Variants in STXBP5 observed in about 807,000 individuals in gnomAD.
The protein encoded by STXBP5 is syntaxin-binding protein 5.
Under a neutral mutation model 152.4 loss-of-function variants are expected in STXBP5, and 50 were observed. The observed-to-expected ratio is 0.33, with a 90% confidence interval of 0.26 to 0.42. STXBP5 has a LOEUF of 0.42. Among genes scored for constraint, STXBP5 ranks in the 10% least tolerant of loss-of-function variants. The pLI, the probability that STXBP5 is intolerant of heterozygous loss-of-function variation, is 1.00. For synonymous variants in STXBP5, 492 were observed against 494.7 expected, an observed-to-expected ratio of 0.99 and a Z score of 0.07; for missense variants, 1,167 against 1,388.6, an observed-to-expected ratio of 0.84 and a Z score of 2.54.
chr6:147,314,705 T>C, intron 14 of STXBP5, 69 bp downstream of exon 14: 1 of 1,165,984 alleles, frequency 8.6e-7, no homozygotes. Context: ...TCCTGTTTTA[T>C]AATAATTGCA....
chr6:147,371,979 G>A (rs73588339), intron 25 of STXBP5, among the ~76,000 whole-genome samples: 2,524 of 152,110 alleles, frequency 0.017, 50 homozygotes, highest in African/African-American at 0.054. Context: ...TTTAAAATAT[G>A]CCTAAAATTG....
chr6:147,372,406 C>CTTTTTTTTTTTTTTTTT (rs1583009383), intron 25 of STXBP5, among the ~76,000 whole-genome samples: 469 of 39,108 alleles, frequency 0.012, 230 homozygotes, highest in Non-Finnish European at 0.016. Flanking sequence ...CCGTCCTTTT[C>CTTTTTTTTTTTTTTTTT]CTTTTTTTTT....
chr6:147,292,423 GAT>G (rs1781326603), intron 9 of STXBP5: 1 of 266,226 alleles, frequency 3.8e-6, no homozygotes, highest in South Asian at 3.5e-5. Context: ...GACATAGATG[GAT>G]AAAATGTCAG....
At chr6:147,292,582 A>G (rs1414459011) in intron 9 of STXBP5, 1 of 153,136 alleles carries the variant, frequency 6.5e-6, no homozygotes, top group Non-Finnish European at 1.5e-5. Flanking sequence ...CATTTGTCCT[A>G]TGGCAAAGGA....
At chr6:147,299,778 C>A (rs530953599) in intron 9 of STXBP5, among the ~76,000 whole-genome samples, 2 of 152,074 alleles carry the variant, frequency 1.3e-5, no homozygotes, top group Admixed American at 6.5e-5. Flanking sequence ...TTCTTGTGCA[C>A]TTTCACCAGT....
chr6:147,371,798 T>C (rs1785552550), intron 25 of STXBP5, among the ~76,000 whole-genome samples: 1 of 152,188 alleles, frequency 6.6e-6, no homozygotes, highest in Non-Finnish European at 1.5e-5. Context: ...AGGTAAAATT[T>C]TTTAAAAAGC....
intron 6 of STXBP5, 40 bp from the exon 7 acceptor site, chr6:147,267,044 A>T (rs376840830): frequency 6.8e-7 from 1 of 1,473,588 alleles, no homozygotes; most frequent in Non-Finnish European, 9.4e-7. Flanking sequence ...TTTATAATTG[A>T]TATCATTCCT....
At chr6:147,383,549 CT>C (rs1786198663) in intron 27 of STXBP5, among the ~76,000 whole-genome samples, 1 of 151,638 alleles carries the variant, frequency 6.6e-6, no homozygotes, top group African/African-American at 2.4e-5. Context: ...GACTGGCCCC[CT>C]TACACCACAT....
chr6:147,300,814 C>T (rs570533304), intron 9 of STXBP5, among the ~76,000 whole-genome samples: 4 of 151,768 alleles, frequency 2.6e-5, no homozygotes, highest in African/African-American at 9.7e-5. Flanking sequence ...GGAATTACAT[C>T]CAATTAAAAA....
intron 22 of STXBP5, 69 bp downstream of exon 22, chr6:147,353,442 A>G (rs1171124302): frequency 2.3e-5 from 25 of 1,074,258 alleles, no homozygotes; most frequent in Non-Finnish European, 3.0e-5. Context: ...CAGAAAATTT[A>G]TAGTTACTGT....
chr6:147,375,632 AATAT>A (rs998106853), intron 26 of STXBP5, among the ~76,000 whole-genome samples: 1 of 150,576 alleles, frequency 6.6e-6, no homozygotes. Context: ...TATAAATATA[AATAT>A]ATATATAAAG....
At chr6:147,362,021 C>A (rs1192751046) in intron 23 of STXBP5, among the ~76,000 whole-genome samples, 1 of 151,802 alleles carries the variant, frequency 6.6e-6, no homozygotes, top group African/African-American at 2.4e-5. Flanking sequence ...TATAGGATGC[C>A]CAGTCAAATT....
intron 22 of STXBP5, among the ~76,000 whole-genome samples, chr6:147,354,791 G>C (rs1044618106): frequency 4.6e-5 from 7 of 152,096 alleles, no homozygotes; most frequent in Admixed American, 4.6e-4. Flanking sequence ...GGTTTAGCTA[G>C]CATGCCCATG....
intron 4 of STXBP5, among the ~76,000 whole-genome samples, chr6:147,240,278 A>G (rs1462657918): frequency 6.6e-6 from 1 of 152,114 alleles, no homozygotes; most frequent in African/African-American, 2.4e-5. Context: ...TTTATACTTA[A>G]TCTTTGATTT....
rs1180703461 is a variant in STXBP5, at chr6:147,387,978, A to G, written c.*3223A>G. The G allele has an allele frequency of 6.6e-6, 1 of 151,742 alleles. No homozygotes were observed. Among genetic ancestry groups the G allele is most frequent in the Non-Finnish European group, 1.5e-5 (1 of 67,754 alleles). 9.4% of individuals were successfully genotyped at this position (151,742 alleles called of 1,614,324 possible). A position where few individuals can be genotyped will look rare whatever the true frequency, so the allele number is the denominator to read the frequency against. Reference sequence around the variant, plus strand: ...AGTTCAAAGTTTTACCCTGAGTTCTATCTTCCATGTATGTTTTGCTTAAGG... The same window carrying G: ...AGTTCAAAGTTTTACCCTGAGTTCTGTCTTCCATGTATGTTTTGCTTAAGG... On this transcript the variant is annotated 3_prime_UTR_variant, in exon 28 of 28. Coordinates refer to ENST00000321680, the MANE Select transcript of STXBP5 (RefSeq NM_001127715.4).
chr6:147,326,426 C>T (rs982199238), intron 17 of STXBP5, among the ~76,000 whole-genome samples: 5 of 152,170 alleles, frequency 3.3e-5, no homozygotes, highest in Non-Finnish European at 4.4e-5. Flanking sequence ...ATTATGTGGC[C>T]GTGTCCGTGT....
At chr6:147,260,849 T>A in intron 5 of STXBP5, 100 bp downstream of exon 5, 1 of 1,351,478 alleles carries the variant, frequency 7.4e-7, no homozygotes, top group Non-Finnish European at 1.0e-6. Flanking sequence ...GAATTAAATA[T>A]GTGACAGATG....
intron 8 of STXBP5, among the ~76,000 whole-genome samples, chr6:147,289,117 CA>C (rs2128350277): frequency 6.6e-6 from 1 of 152,312 alleles, no homozygotes; most frequent in South Asian, 2.1e-4. Flanking sequence ...TTTAGTGCAG[CA>C]GGTGTGGACC....
intron 8 of STXBP5, among the ~76,000 whole-genome samples, chr6:147,284,504 T>G (rs892385265): frequency 2.0e-5 from 3 of 152,166 alleles, no homozygotes; most frequent in African/African-American, 7.2e-5. Context: ...TAATACATTG[T>G]GATAAGTGCT....
Sources: gnomAD v4.1 joint callset for allele counts (sites outside exome capture counted in the v4.1 genomes callset) on GRCh38, gnomAD v4.1.1 for gene constraint, MANE v1.5 for transcripts, NCBI Gene and HGNC (gene_info 2026-07-23, HGNC 2026-07-21) for gene names.